The following LINGO2 variants were observed in gnomAD, a reference collection of about 807,000 sequenced individuals.
LINGO2 encodes the protein leucine-rich repeat and immunoglobulin-like domain-containing nogo receptor-interacting protein 2.
Under a neutral mutation model 30.6 loss-of-function variants are expected in LINGO2, and 14 were observed. The ratio of observed to expected loss-of-function variants is 0.46; its 90% confidence interval spans 0.30 to 0.72. The LOEUF (loss-of-function observed/expected upper bound fraction) is 0.72. Among genes scored for constraint, LINGO2 ranks in the 30% least tolerant of loss-of-function variants. The probability of loss-of-function intolerance (pLI) is 0.07; values close to 1 mark genes in which losing one functional copy is unlikely to be tolerated. For missense variants in LINGO2, 729 were observed against 751.7 expected (o/e 0.97, Z 0.35); for synonymous variants, 317 against 288.5 (o/e 1.10, Z -1.00).
At chr9:28,196,324 T>G (rs1306711448) in intron 4 of LINGO2, among the ~76,000 whole-genome samples, 1 of 151,714 alleles carries the variant, frequency 6.6e-6, no homozygotes. Flanking sequence ...TTATCAGAAT[T>G]TCCAGACCTA....
the LINGO2 span, among the ~76,000 whole-genome samples, chr9:28,750,435 A>C: frequency 6.6e-6 from 1 of 152,118 alleles, no homozygotes; most frequent in Admixed American, 6.5e-5. Context: ...TGCTATGAAA[A>C]TACATTATCT....
chr9:29,184,855 A>G, the LINGO2 span, among the ~76,000 whole-genome samples: 1 of 152,190 alleles, frequency 6.6e-6, no homozygotes, highest in Non-Finnish European at 1.5e-5. Context: ...AAACATTGTC[A>G]TAAAGTTTAT....
At chr9:28,003,937 G>A (rs1424688417) in intron 5 of LINGO2, among the ~76,000 whole-genome samples, 2 of 152,170 alleles carry the variant, frequency 1.3e-5, no homozygotes, top group South Asian at 2.1e-4. Context: ...CAACACTAAG[G>A]AAATGCAAAC....
At chr9:27,996,748 G>C (rs1020064482) in intron 5 of LINGO2, among the ~76,000 whole-genome samples, 2 of 152,174 alleles carry the variant, frequency 1.3e-5, no homozygotes, top group African/African-American at 4.8e-5. Context: ...AAAATAGCTA[G>C]AAGATTTGCA....
At chr9:29,207,270 GT>G in the LINGO2 span, among the ~76,000 whole-genome samples, 1 of 152,052 alleles carries the variant, frequency 6.6e-6, no homozygotes, top group African/African-American at 2.4e-5. Context: ...GAAGCTCACC[GT>G]TTCAAAATCA....
chr9:29,103,748 G>C, the LINGO2 span, among the ~76,000 whole-genome samples: 1 of 152,116 alleles, frequency 6.6e-6, no homozygotes, highest in Non-Finnish European at 1.5e-5. Context: ...AATTGGGGAA[G>C]TTTATGACAC....
At chr9:28,193,293 C>T (rs1819886770) in intron 4 of LINGO2, among the ~76,000 whole-genome samples, 1 of 152,080 alleles carries the variant, frequency 6.6e-6, no homozygotes, top group Non-Finnish European at 1.5e-5. Flanking sequence ...TATTTTACTA[C>T]AAAGTAAGAT....
the LINGO2 span, among the ~76,000 whole-genome samples, chr9:28,957,312 T>C: frequency 1.2e-4 from 19 of 152,152 alleles, no homozygotes; most frequent in African/African-American, 2.9e-4. Flanking sequence ...AGGAATTACA[T>C]ACAATTCCCC....
rs376736449 is a variant in LINGO2, at chr9:28,240,624, T to C, written c.-87+54584A>G. On this transcript the variant is annotated intron_variant, in intron 4 of 5. Coordinates refer to ENST00000379992, the Ensembl canonical transcript of LINGO2. ...AATGAAACTTGATCCCCATCTCTTA[T>C]CTTATGCAAAAATCAAAACAAAATA... Among the ~76,000 whole-genome samples, 24 of 152,270 alleles carry C rather than the reference T, an allele frequency of 1.6e-4. 1 individual carries two copies. In the South Asian group the frequency reaches 5.0e-3, roughly 32 times the overall value.
At chr9:28,375,771 T>A (rs1196905031) in intron 2 of LINGO2, among the ~76,000 whole-genome samples, 1 of 152,132 alleles carries the variant, frequency 6.6e-6, no homozygotes, top group Non-Finnish European at 1.5e-5. Flanking sequence ...AACGGGAAAT[T>A]TGCATTTCCT....
chr9:28,254,435 A>G (rs936066956), intron 4 of LINGO2, among the ~76,000 whole-genome samples: 4 of 152,254 alleles, frequency 2.6e-5, no homozygotes, highest in Admixed American at 6.5e-5. Context: ...TCAGAAAAAT[A>G]GACTACTTTT....
the LINGO2 span, among the ~76,000 whole-genome samples, chr9:29,054,158 C>G: frequency 2.1e-3 from 316 of 152,170 alleles, 1 homozygote; most frequent in African/African-American, 7.3e-3. Flanking sequence ...CCCCTTAGAT[C>G]TTTCATATTT....
chr9:28,665,017 A>G (rs1588045035), intron 1 of LINGO2, among the ~76,000 whole-genome samples: 1 of 112,690 alleles, frequency 8.9e-6, no homozygotes, highest in Admixed American at 1.1e-4. Flanking sequence ...ATATATATAT[A>G]TATATATATA....
In LINGO2 at chr9:28,340,385, A is replaced by G. The variant is rs140382229; in HGVS notation, c.-246+32451T>C. On this transcript the variant is annotated intron_variant, in intron 3 of 5. Coordinates refer to ENST00000379992, the Ensembl canonical transcript of LINGO2. ...ACAGTGAAACATATATGTGTGCTTC[A>G]TGGAATGCATAAAATCGAGAACACA... is the stretch of plus-strand genomic sequence containing the variant. 1.6e-3 allele frequency among the ~76,000 whole-genome samples: 251 copies of G among 152,290 alleles called. 1 individual carries two copies. The highest frequency in any genetic ancestry group is 5.8e-3 in the African/African-American group (242 of 41,582).
chr9:28,038,609 C>A (rs964205396), intron 4 of LINGO2, among the ~76,000 whole-genome samples: 1 of 150,582 alleles, frequency 6.6e-6, no homozygotes, highest in African/African-American at 2.4e-5. Flanking sequence ...AGGAGAATGG[C>A]GTGAACCCGG....
At chr9:28,619,895 G>C (rs1428177664) in intron 1 of LINGO2, among the ~76,000 whole-genome samples, 2 of 152,084 alleles carry the variant, frequency 1.3e-5, no homozygotes, top group Non-Finnish European at 2.9e-5. Flanking sequence ...AAATGCACTT[G>C]TTTCCATAAA....
chr9:28,409,815 C>T (rs771289178), intron 2 of LINGO2, among the ~76,000 whole-genome samples: 3 of 151,324 alleles, frequency 2.0e-5, no homozygotes, highest in African/African-American at 7.3e-5. Context: ...TCTAGCCCAA[C>T]AACCTCTTTA....
chr9:28,546,017 T>C (rs1821920327), intron 1 of LINGO2, among the ~76,000 whole-genome samples: 1 of 152,120 alleles, frequency 6.6e-6, no homozygotes. Context: ...ACATATTAGC[T>C]AATTTTATCT....
chr9:28,940,508 T>C, the LINGO2 span, among the ~76,000 whole-genome samples: 1 of 152,176 alleles, frequency 6.6e-6, no homozygotes. Context: ...GTAATTCTAT[T>C]GTGTTTGAGC....
Sources: allele counts gnomAD v4.1 joint callset (sites outside exome capture counted in the v4.1 genomes callset), GRCh38; gene constraint gnomAD v4.1.1; transcripts MANE v1.5; gene names NCBI Gene and HGNC (gene_info 2026-07-23, HGNC 2026-07-21).